The following GLB1 variants were observed in gnomAD, a reference collection of about 807,000 sequenced individuals.
The protein encoded by GLB1 is galactosidase beta 1.
In GLB1, 56 loss-of-function variants were observed where a neutral mutation model predicts 74.0. The ratio of observed to expected loss-of-function variants is 0.76; its 90% confidence interval spans 0.61 to 0.94. The LOEUF is 0.94. Ranked by LOEUF, GLB1 falls within the 40% of genes least tolerant of loss-of-function variation. GLB1 has a pLI of 0.00. For synonymous variants in GLB1, 323 were observed against 323.6 expected, an observed-to-expected ratio of 1.00 and a Z score of 0.02; for missense variants, 787 against 845.5, an observed-to-expected ratio of 0.93 and a Z score of 0.86.
the GLB1 span, among the ~76,000 whole-genome samples, chr3:32,981,403 A>G: frequency 2.1e-5 from 3 of 146,162 alleles, no homozygotes; most frequent in Middle Eastern, 3.5e-3. Context: ...CCATCTCAAA[A>G]AAAAAAAAAA....
At chr3:33,088,750 T>C (rs1700632835) in intron 1 of GLB1, among the ~76,000 whole-genome samples, 1 of 152,074 alleles carries the variant, frequency 6.6e-6, no homozygotes, top group Non-Finnish European at 1.5e-5. Flanking sequence ...CCTATAAAAA[T>C]CCCAATAGCA....
intron 10 of GLB1, among the ~76,000 whole-genome samples, chr3:33,038,943 A>G (rs1458584352): frequency 6.6e-6 from 1 of 152,122 alleles, no homozygotes; most frequent in Non-Finnish European, 1.5e-5. Flanking sequence ...TGACCTCTAG[A>G]TGAGAAAAAA....
chr3:32,998,457 T>C (rs1241737648), intron 15 of GLB1, among the ~76,000 whole-genome samples: 2 of 149,732 alleles, frequency 1.3e-5, no homozygotes, highest in Non-Finnish European at 3.0e-5. Context: ...TGCAGTGAGC[T>C]GAGATTGCGC....
At chr3:32,973,955 T>A in the GLB1 span, among the ~76,000 whole-genome samples, 2 of 152,088 alleles carry the variant, frequency 1.3e-5, no homozygotes, top group Non-Finnish European at 2.9e-5. Flanking sequence ...GTAGGGTAAC[T>A]CTGCTCCATC....
intron 6 of GLB1, among the ~76,000 whole-genome samples, chr3:33,056,227 C>CAAAAAA (rs10559091): frequency 1.2e-4 from 6 of 48,626 alleles, no homozygotes; most frequent in African/African-American, 2.3e-4. Flanking sequence ...AACTCCACCT[C>CAAAAAA]AAAAAAAAAA....
At chr3:32,988,185 C>CAAAA in the GLB1 span, among the ~76,000 whole-genome samples, 14 of 60,410 alleles carry the variant, frequency 2.3e-4, no homozygotes, top group African/African-American at 6.5e-4. Flanking sequence ...GACTCCATCT[C>CAAAA]AAAAAAAAAA....
chr3:32,970,249 C>T, the GLB1 span, among the ~76,000 whole-genome samples: 2 of 152,138 alleles, frequency 1.3e-5, no homozygotes, highest in African/African-American at 4.8e-5. Flanking sequence ...AACACTCAAA[C>T]GGCTGCTGAA....
At chr3:32,978,793 C>G in the GLB1 span, among the ~76,000 whole-genome samples, 1 of 123,252 alleles carries the variant, frequency 8.1e-6, no homozygotes, top group East Asian at 6.9e-4. Flanking sequence ...GACAGAGTCT[C>G]TCTGTCACCC....
chr3:33,065,681 T>C, intron 4 of GLB1, 124 bp from the exon 5 acceptor site: 2 of 1,226,298 alleles, frequency 1.6e-6, no homozygotes, highest in South Asian at 1.4e-5. Context: ...CATTCTGAGT[T>C]TTCTGGCTGG....
At chr3:33,095,612 C>A (rs73043358) in intron 1 of GLB1, among the ~76,000 whole-genome samples, 6,491 of 152,250 alleles carry the variant, frequency 0.043, 217 homozygotes, top group Middle Eastern at 0.065. Context: ...AGCCACAGGG[C>A]ATCCACCCTG....
chr3:33,076,572 T>C (rs1216871914), intron 1 of GLB1, among the ~76,000 whole-genome samples: 1 of 152,180 alleles, frequency 6.6e-6, no homozygotes, highest in Non-Finnish European at 1.5e-5. Context: ...TCCAGGATGG[T>C]GGCCAGTTAG....
At position 33,045,856 on chromosome 3, in the gene GLB1, C is replaced by T. The variant is rs34840292; in HGVS notation, c.1068+264G>A. ...AATTCTCACCATATAAGAAGTGAAT[C>T]TGTAAGTAGCATTTAACACTGTATT... is the stretch of plus-strand genomic sequence containing the variant. On this transcript the variant is annotated intron_variant, in intron 10 of 15. Coordinates refer to ENST00000307363, the MANE Select transcript of GLB1 (RefSeq NM_000404.4). The T allele has an allele frequency of 0.17, 149,974 of 904,304 alleles. 14,550 individuals carry two copies. Among genetic ancestry groups the T allele is most frequent in the East Asian group, 0.55 (10,435 of 18,906 alleles). The allele number at this position is 904,304 out of a possible 1,614,324, so 56.0% of individuals were successfully genotyped here.
In GLB1 at chr3:32,997,076, T is replaced by A. The variant is rs1435624919; in HGVS notation, c.2003A>T (p.Lys668Ile). The A allele has an allele frequency of 6.2e-7, 1 of 1,613,986 alleles. No homozygotes were observed. Residue 668 changes from lysine (K) to isoleucine (I), a missense_variant, in exon 16 of 16, where the codon AAA (lysine) becomes ATA (isoleucine). Transcript: ENST00000307363. ...EKRLMPPPPQ[K>I]NKDSWLDHV ...ATGGTCCAGCCATGAATCTTTGTTT[T>A]TTTGCGGGGGTGGGGGCATGAGTCT...
At chr3:33,087,520 A>T (rs1204248746) in intron 1 of GLB1, among the ~76,000 whole-genome samples, 1 of 151,574 alleles carries the variant, frequency 6.6e-6, no homozygotes, top group African/African-American at 2.4e-5. Context: ...CAGTGACCCA[A>T]GATCATGCCT....
intron 6 of GLB1, among the ~76,000 whole-genome samples, chr3:33,056,941 A>C (rs1003032155): frequency 2.6e-5 from 4 of 152,234 alleles, no homozygotes; most frequent in East Asian, 3.9e-4. Flanking sequence ...CACACACACA[A>C]AAAAAGTCCA....
intron 6 of GLB1, among the ~76,000 whole-genome samples, chr3:33,057,103 A>G (rs2125531460): frequency 6.6e-6 from 1 of 152,330 alleles, no homozygotes; most frequent in South Asian, 2.1e-4. Flanking sequence ...ATGGGTTAGC[A>G]CCATCCCCTC....
intron 15 of GLB1, among the ~76,000 whole-genome samples, chr3:32,998,064 G>C (rs1371186746): frequency 6.6e-6 from 1 of 152,254 alleles, no homozygotes; most frequent in African/African-American, 2.4e-5. Context: ...GTTTGGTTCA[G>C]GAGCAGAGGT....
At chr3:32,967,100 T>G in the GLB1 span, among the ~76,000 whole-genome samples, 6 of 152,316 alleles carry the variant, frequency 3.9e-5, no homozygotes, top group East Asian at 9.6e-4. Flanking sequence ...TCCATTTGTA[T>G]TCATATTGTA....
chr3:32,997,696 G>A (rs1304241131), intron 15 of GLB1, among the ~76,000 whole-genome samples: 1 of 152,206 alleles, frequency 6.6e-6, no homozygotes, highest in Non-Finnish European at 1.5e-5. Flanking sequence ...TTTCATCCTG[G>A]TTCCCAGGTG....
Sources: gnomAD v4.1 joint callset for allele counts (sites outside exome capture counted in the v4.1 genomes callset) on GRCh38, gnomAD v4.1.1 for gene constraint, MANE v1.5 for transcripts, NCBI Gene and HGNC (gene_info 2026-07-23, HGNC 2026-07-21) for gene names.